Variants in DRC7 observed in about 807,000 individuals in gnomAD.
The protein encoded by DRC7 is coiled-coil domain containing 135.
DRC7 carries 80 observed loss-of-function variants against 104.4 expected under a neutral mutation model. The observed-to-expected ratio is 0.77, with a 90% CI of 0.64 to 0.92. DRC7 has a LOEUF of 0.92. Ranked by LOEUF, DRC7 falls within the 40% of genes least tolerant of loss-of-function variation. The pLI is 0.00. For missense variants in DRC7, 1,034 were observed against 1,141.1 expected, an observed-to-expected ratio of 0.91 and a Z score of 1.35; for synonymous variants, 405 against 447.3, an observed-to-expected ratio of 0.91 and a Z score of 1.19.
intron 7 of DRC7, among the ~76,000 whole-genome samples, chr16:57,705,734 C>CCACT: frequency 7.1e-6 from 1 of 141,252 alleles, no homozygotes; most frequent in Non-Finnish European, 1.5e-5. Context: ...ATCCATCCTC[C>CCACT]CATCCACCCT....
At chr16:57,721,458 A>G (rs1194491280) in intron 9 of DRC7, among the ~76,000 whole-genome samples, 2 of 152,144 alleles carry the variant, frequency 1.3e-5, no homozygotes, top group African/African-American at 4.8e-5. Flanking sequence ...CTGCTGTCCT[A>G]AGCCAGGCAA....
chr16:57,731,399 C>T lies in DRC7; in HGVS notation c.*141C>T. The T allele has an allele frequency of 1.6e-6, 1 of 625,804 alleles. No homozygotes were observed. Among genetic ancestry groups the T allele is most frequent in the East Asian group, 2.8e-5 (1 of 36,232 alleles). 38.8% of individuals were successfully genotyped at this position (625,804 alleles called of 1,614,324 possible). On this transcript the variant is annotated 3_prime_UTR_variant, in exon 19 of 19. Coordinates refer to ENST00000360716, the MANE Select transcript of DRC7 (RefSeq NM_001289162.2). ...CTGCCAGCCCACCTCCCCTACAGCC[C>T]TGTTTGTTCCTGCTTCTCATGATTT...
At position 57,710,282 on chromosome 16, in the gene DRC7, C is replaced by T. The variant is rs542192437; in HGVS notation, c.1077+2604C>T. Among the ~76,000 whole-genome samples the T allele has an allele frequency of 6.6e-5, 10 of 152,244 alleles. No individual in the cohort carries two copies. In the South Asian group the frequency reaches 1.9e-3, roughly 28 times the overall value. ...TTCCTAAATATTTCGCTTTTTGATG[C>T]TATGATTTTTTTAAATTTCACCTTC... On this transcript the variant is annotated intron_variant, in intron 8 of 18. Coordinates refer to ENST00000360716, the MANE Select transcript of DRC7 (RefSeq NM_001289162.2).
intron 8 of DRC7, among the ~76,000 whole-genome samples, chr16:57,712,911 G>T (rs150267581): frequency 6.6e-6 from 1 of 152,026 alleles, no homozygotes; most frequent in Non-Finnish European, 1.5e-5. Flanking sequence ...ACTCTATCAT[G>T]TATTCATTTT....
At position 57,720,355 on chromosome 16, in the gene DRC7, C is replaced by A. The variant is rs527962954; in HGVS notation, c.1207-1312C>A. Among the ~76,000 whole-genome samples, 677 of 152,252 alleles carry A rather than the reference C, an allele frequency of 4.4e-3. 8 individuals carry two copies. Among genetic ancestry groups the A allele is most frequent in the African/African-American group, 0.015 (624 of 41,532 alleles). On this transcript the variant is annotated intron_variant, in intron 9 of 18. Coordinates refer to ENST00000360716, the MANE Select transcript of DRC7 (RefSeq NM_001289162.2). Reference sequence around the variant, plus strand: ...ATGTGCTTGGCACAGCAGTGTAGACCATCTCAAAAGGGTGCTAAATGTTCT... The same window carrying A: ...ATGTGCTTGGCACAGCAGTGTAGACAATCTCAAAAGGGTGCTAAATGTTCT...
At chr16:57,714,730 C>T (rs1486644816) in intron 8 of DRC7, 1 of 246,446 alleles carries the variant, frequency 4.1e-6, no homozygotes, top group Non-Finnish European at 8.0e-6. Flanking sequence ...TGTCACAGCA[C>T]TGTTTGCCAG....
intron 8 of DRC7, among the ~76,000 whole-genome samples, chr16:57,709,528 G>GT (rs761884089): frequency 2.7e-4 from 41 of 150,486 alleles, no homozygotes; most frequent in African/African-American, 5.1e-4. Flanking sequence ...TCACTAGCAG[G>GT]TTTTTTTTTA....
chr16:57,704,031 G>T (rs1220135875), intron 6 of DRC7, among the ~76,000 whole-genome samples: 1 of 147,244 alleles, frequency 6.8e-6, no homozygotes, highest in African/African-American at 2.5e-5. Context: ...TCTCAGCTCA[G>T]CCAAAAGCTT....
At chr16:57,701,143 G>T (rs2048654032) in intron 5 of DRC7, among the ~76,000 whole-genome samples, 1 of 152,182 alleles carries the variant, frequency 6.6e-6, no homozygotes, top group Non-Finnish European at 1.5e-5. Flanking sequence ...ACAGGCATTG[G>T]CTATTCAAGC....
intron 8 of DRC7, chr16:57,714,292 A>G (rs1209184045): frequency 6.3e-6 from 1 of 157,546 alleles, no homozygotes; most frequent in Non-Finnish European, 1.4e-5. Flanking sequence ...TCATTTCTTT[A>G]TGGCTCTGTA....
In DRC7 at chr16:57,698,977, G is replaced by T. The variant is rs546062093; in HGVS notation, c.331G>T (p.Asp111Tyr). ...FSRQYSHLCPDRVPLFLHPLN... is the reference protein window; with the variant it reads ...FSRQYSHLCPYRVPLFLHPLN... ...CCGCCAGTACAGCCATCTGTGCCCG[G>T]ACCGCGTGCCCCTCTTCCTGCACCC... The change falls in exon 4 of 19, where the codon GAC becomes TAC. Residue 111 changes from aspartate (D) to tyrosine (Y), a missense_variant. Coordinates refer to ENST00000360716, the MANE Select transcript of DRC7 (RefSeq NM_001289162.2). 6 of 1,614,218 alleles carry T rather than the reference G, an allele frequency of 3.7e-6. 1 individual carries two copies. The South Asian group carries it at 6.6e-5, about 18-fold the overall frequency.
At position 57,724,309 on chromosome 16, in the gene DRC7, CAAAAAAA is replaced by C. The variant is rs35767816; in HGVS notation, c.1538-291_1538-285del. On this transcript the variant is annotated intron_variant, in intron 12 of 18. Coordinates refer to ENST00000360716, the MANE Select transcript of DRC7 (RefSeq NM_001289162.2). ...TGGGTGACAGAGCGAGGCTGTGTCT[CAAAAAAA>C]AAAAAAAAAAAAAAGTACACTTTTG... 5.8e-3 allele frequency among the ~76,000 whole-genome samples: 468 copies of C among 80,720 alleles called. 5 individuals are homozygous for C. The highest frequency in any genetic ancestry group is 0.021 in the African/African-American group (445 of 21,554). 53.0% of individuals were successfully genotyped at this position (80,720 alleles called of 152,430 possible).
rs1247996578 is a variant in DRC7 at position 57,704,966 on chromosome 16, G to C, written c.790G>C (p.Val264Leu). 2 of 1,613,656 alleles carry C rather than the reference G, an allele frequency of 1.2e-6. No individual in the cohort carries two copies. The highest frequency in any genetic ancestry group is 2.7e-5 in the African/African-American group (2 of 74,896). The change falls in exon 7 of 19, where the codon GTG (valine) becomes CTG (leucine). Residue 264 changes from valine to leucine, a missense_variant. Val to Leu is a conservative substitution (Grantham distance 32). Coordinates refer to ENST00000360716, the MANE Select transcript of DRC7 (RefSeq NM_001289162.2). The stretch of plus-strand genomic sequence containing the variant: ...CAGCAGGTTTGAGCAGGAGCAAGAG[G>C]TGAAGAAGCAGCAGGAGATCAGAGC... The part of the protein sequence containing the change: ...LCSRFEQEQE[V>L]KKQQEIRAQE...
chr16:57,710,391 T>C (rs2048780344), intron 8 of DRC7, among the ~76,000 whole-genome samples: 1 of 152,256 alleles, frequency 6.6e-6, no homozygotes, highest in African/African-American at 2.4e-5. Flanking sequence ...AATTCACTTA[T>C]TTGCCCTAAT....
At chr16:57,722,344 CTGGG>C (rs2048912627) in intron 10 of DRC7, among the ~76,000 whole-genome samples, 1 of 152,110 alleles carries the variant, frequency 6.6e-6, no homozygotes, top group South Asian at 2.1e-4. Flanking sequence ...TAGGGGTCAC[CTGGG>C]TGAAGTTTGG....
At chr16:57,719,416 G>A (rs900188660) in intron 9 of DRC7, among the ~76,000 whole-genome samples, 1 of 152,148 alleles carries the variant, frequency 6.6e-6, no homozygotes, top group Non-Finnish European at 1.5e-5. Context: ...CCCTGTCCTC[G>A]GCTTGTAGAT....
At chr16:57,730,325 A>G (rs2049046859) in intron 17 of DRC7, among the ~76,000 whole-genome samples, 1 of 133,844 alleles carries the variant, frequency 7.5e-6, no homozygotes, top group Non-Finnish European at 1.6e-5. Context: ...GGATGGATGG[A>G]TGGGCGAGTG....
At chr16:57,718,204 C>A in intron 8 of DRC7, 143 bp from the exon 9 acceptor site, 4 of 1,047,918 alleles carry the variant, frequency 3.8e-6, no homozygotes, top group Non-Finnish European at 4.2e-6. Context: ...TCAGAGCCAC[C>A]TGGGACTGAC....
chr16:57,705,691 C>T (rs1472579829), intron 7 of DRC7, among the ~76,000 whole-genome samples: 3 of 146,784 alleles, frequency 2.0e-5, no homozygotes, highest in Non-Finnish European at 4.5e-5. Flanking sequence ...ATCCATCCTC[C>T]CATTTATCCT....
Sources: allele counts gnomAD v4.1 joint callset (sites outside exome capture counted in the v4.1 genomes callset), GRCh38; gene constraint gnomAD v4.1.1; transcripts MANE v1.5; gene names NCBI Gene and HGNC (gene_info 2026-07-23, HGNC 2026-07-21).